The following RBFOX1 variants were observed in gnomAD, a reference collection of about 807,000 sequenced individuals.
The protein encoded by RBFOX1 is RNA binding fox-1 homolog 1, also known as RNA binding protein fox-1 homolog 1.
In RBFOX1, 8 loss-of-function variants were observed where a neutral mutation model predicts 57.7. The ratio of observed to expected loss-of-function variants is 0.14; its 90% CI spans 0.08 to 0.25. The LOEUF (loss-of-function observed/expected upper bound fraction) is 0.25. Among genes scored for constraint, RBFOX1 ranks in the 10% least tolerant of loss-of-function variants. The pLI is 1.00. For synonymous variants in RBFOX1, 326 were observed against 222.4 expected, an observed-to-expected ratio of 1.47 and a Z score of -4.15; for missense variants, 611 against 548.5, an observed-to-expected ratio of 1.11 and a Z score of -1.14.
intron 1 of RBFOX1, among the ~76,000 whole-genome samples, chr16:6,022,698 A>G (rs1244205959): frequency 1.3e-5 from 2 of 152,064 alleles, no homozygotes; most frequent in Non-Finnish European, 2.9e-5. Context: ...ACAAAACAAA[A>G]CAAACAAACA....
chr16:5,569,434 T>C (rs570390581), intron 2 of RBFOX1, among the ~76,000 whole-genome samples: 113 of 138,964 alleles, frequency 8.1e-4, no homozygotes, highest in Middle Eastern at 3.8e-3. Flanking sequence ...TGATAAGAAG[T>C]AACCTTTTTT....
chr16:5,943,712 T>C (rs1220139533), intron 4 of RBFOX1, among the ~76,000 whole-genome samples: 1 of 152,204 alleles, frequency 6.6e-6, no homozygotes, highest in Non-Finnish European at 1.5e-5. Context: ...AGAGGCTGAA[T>C]GTATCAACAG....
chr16:6,364,024 A>G lies in RBFOX1; in HGVS notation c.-64+46967A>G, dbSNP rs561996923. Among the ~76,000 whole-genome samples the G allele has an allele frequency of 7.9e-5, 12 of 152,340 alleles. No individual in the cohort carries two copies. In the South Asian group the frequency reaches 1.0e-3, roughly 13 times the overall value. On this transcript the variant is annotated intron_variant, in intron 2 of 15. Transcript: ENST00000550418. ...CCAAGAAGGCTTCTCCGTGTTTTCA[A>G]TGGAATAGTGGCCTGTATTTTGCAT...
At chr16:6,899,391 G>C (rs1296934619) in intron 3 of RBFOX1, among the ~76,000 whole-genome samples, 1 of 152,074 alleles carries the variant, frequency 6.6e-6, no homozygotes, top group East Asian at 1.9e-4. Context: ...GGCCCTCTTG[G>C]CTCAAAATTT....
rs2097427231 is a variant in RBFOX1, at chr16:6,575,882, T to TAAAC, written c.-63-78718_-63-78717insCAAA. On this transcript the variant is annotated intron_variant, in intron 2 of 15. Transcript: ENST00000550418. ...AATAAAAAATAAATAAATAAATAAATAAATAAATAAATAAAGATTAATAAA... is the reference window on the plus strand; with the variant it reads ...AATAAAAAATAAATAAATAAATAAATAAACAAATAAATAAATAAAGATTAATAAA... Among the ~76,000 whole-genome samples, 6 of 150,714 alleles carry TAAAC rather than the reference T, an allele frequency of 4.0e-5. No individual in the cohort carries two copies. In the South Asian group the frequency reaches 1.3e-3, roughly 32 times the overall value.
chr16:5,355,082 A>T (rs115818210), intron 1 of RBFOX1, among the ~76,000 whole-genome samples: 1 of 151,992 alleles, frequency 6.6e-6, no homozygotes, highest in African/African-American at 2.4e-5. Context: ...AATAAGAGAG[A>T]ATAAAAGAGA....
Position 5,358,103 on chromosome 16 carries a change from GA to G in RBFOX1, c.220-109110del, listed in dbSNP as rs1215091070. On this transcript the variant is annotated intron_variant, in intron 1 of 2. Transcript: ENST00000585867. ...TATGGCTTCCACTGGAGGGCTGTGG[GA>G]AATCATCTGTTCCATGTCTTTCTCC... Among the ~76,000 whole-genome samples, 3 of 152,056 alleles carry G rather than the reference GA, an allele frequency of 2.0e-5. No individual in the cohort carries two copies. The East Asian group carries it at 5.8e-4, about 29-fold the overall frequency.
rs192740638 is a variant in RBFOX1 at position 7,481,220 on chromosome 16, C to T, written c.28-36927C>T. ...GGAACAGAGTAAGGACTCAGAAGTA[C>T]TTGGGATAAAATATACAGCAAGAAA... On this transcript the variant is annotated intron_variant, in intron 4 of 15. Transcript: ENST00000550418. Among the ~76,000 whole-genome samples, 17 of 152,224 alleles carry T rather than the reference C, an allele frequency of 1.1e-4. No homozygotes were observed. In the East Asian group the frequency reaches 3.3e-3, roughly 29 times the overall value.
intron 1 of RBFOX1, among the ~76,000 whole-genome samples, chr16:6,068,792 A>C (rs1045940796): frequency 7.9e-5 from 12 of 152,094 alleles, no homozygotes; most frequent in African/African-American, 2.9e-4. Flanking sequence ...AAAACTTTCT[A>C]ATTTTAAGTT....
Position 7,111,409 on chromosome 16 carries a change from A to G in RBFOX1, c.27+59311A>G, listed in dbSNP as rs116507614. Among the ~76,000 whole-genome samples, 556 of 152,326 alleles carry G rather than the reference A, an allele frequency of 3.7e-3. 4 individuals carry two copies. The highest frequency in any genetic ancestry group is 0.013 in the African/African-American group (521 of 41,580). On this transcript the variant is annotated intron_variant, in intron 4 of 15. Transcript: ENST00000550418. ...AAATAAATCATTTTTATTATACTGT[A>G]TGAATTTACTTAGCTCTTTTAATAG...
chr16:6,844,272 G>A (rs1326735188), intron 3 of RBFOX1, among the ~76,000 whole-genome samples: 1 of 152,006 alleles, frequency 6.6e-6, no homozygotes, highest in Non-Finnish European at 1.5e-5. Context: ...AGGTACCATG[G>A]CAGTTTGCTG....
At chr16:7,440,297 G>A (rs540866654) in intron 4 of RBFOX1, among the ~76,000 whole-genome samples, 7 of 152,146 alleles carry the variant, frequency 4.6e-5, no homozygotes, top group Non-Finnish European at 8.8e-5. Flanking sequence ...ATATTAGGGT[G>A]GAGCCAGGTA....
chr16:6,206,572 G>C (rs1362563644), intron 1 of RBFOX1, among the ~76,000 whole-genome samples: 1 of 152,144 alleles, frequency 6.6e-6, no homozygotes, highest in Non-Finnish European at 1.5e-5. Flanking sequence ...AATGTTCAAT[G>C]TTTGTTGAAT....
At chr16:7,134,423 G>T (rs576107510) in intron 4 of RBFOX1, among the ~76,000 whole-genome samples, 6 of 152,270 alleles carry the variant, frequency 3.9e-5, no homozygotes, top group African/African-American at 1.4e-4. Context: ...AGGCATTGAG[G>T]ATGTGATGCA....
intron 1 of RBFOX1, among the ~76,000 whole-genome samples, chr16:6,144,105 A>G (rs1306155487): frequency 1.3e-5 from 2 of 152,004 alleles, no homozygotes; most frequent in African/African-American, 4.8e-5. Flanking sequence ...GGTCACACCT[A>G]CCATTTTTGG....
chr16:6,551,810 A>T (rs1261777169), intron 2 of RBFOX1, among the ~76,000 whole-genome samples: 1 of 152,220 alleles, frequency 6.6e-6, no homozygotes, highest in South Asian at 2.1e-4. Flanking sequence ...TGTGATTATC[A>T]TGCCAATTAC....
chr16:7,673,750 T>C (rs1226463496), intron 13 of RBFOX1, among the ~76,000 whole-genome samples: 2 of 152,230 alleles, frequency 1.3e-5, no homozygotes, highest in African/African-American at 2.4e-5. Context: ...GTTACATTTA[T>C]ATTTTGCTGC....
At chr16:7,356,236 G>A (rs765891648) in intron 4 of RBFOX1, among the ~76,000 whole-genome samples, 1 of 152,206 alleles carries the variant, frequency 6.6e-6, no homozygotes, top group Non-Finnish European at 1.5e-5. Context: ...CAAGACCCCT[G>A]TTTTACGGGA....
chr16:6,264,889 T>C (rs2097723727), intron 1 of RBFOX1, among the ~76,000 whole-genome samples: 1 of 152,198 alleles, frequency 6.6e-6, no homozygotes, highest in African/African-American at 2.4e-5. Context: ...ACCTAACATG[T>C]AGTAAATGTG....
Sources: gnomAD v4.1 joint callset for allele counts (sites outside exome capture counted in the v4.1 genomes callset) on GRCh38, gnomAD v4.1.1 for gene constraint, MANE v1.5 for transcripts, NCBI Gene and HGNC (gene_info 2026-07-23, HGNC 2026-07-21) for gene names.